Variants in TSGA10 observed in about 807,000 individuals in gnomAD.
The protein encoded by TSGA10 is testis specific 10.
In TSGA10, 43 loss-of-function variants were observed where a neutral mutation model predicts 96.6. The observed-to-expected ratio is 0.44, with a 90% CI of 0.35 to 0.57. The LOEUF (loss-of-function observed/expected upper bound fraction) is 0.57, where lower values mean the gene tolerates loss of function less well. Ranked by LOEUF, TSGA10 falls within the 20% of genes least tolerant of loss-of-function variation. The pLI is 0.01. For missense variants in TSGA10, 703 were observed against 834.4 expected (o/e 0.84, Z 1.94); for synonymous variants, 229 against 269.9 (o/e 0.85, Z 1.48).
intron 16 of TSGA10, among the ~76,000 whole-genome samples, chr2:99,055,860 C>CAA (rs59969222): frequency 1.5e-3 from 135 of 90,792 alleles, no homozygotes; most frequent in African/African-American, 4.5e-3. Context: ...ATCCAATTAA[C>CAA]AAAAAAAAAA....
intron 2 of TSGA10, among the ~76,000 whole-genome samples, chr2:99,124,380 G>T (rs897941936): frequency 2.6e-5 from 4 of 152,098 alleles, no homozygotes; most frequent in African/African-American, 7.2e-5. Flanking sequence ...GCCCTTTTCA[G>T]ATATGTAATT....
In TSGA10 at chr2:99,127,171, G is replaced by A. The variant is rs1405642122; in HGVS notation, c.-615C>T. 7.8e-7 allele frequency: 1 copy of A among 1,283,608 alleles called. No homozygotes were observed. The highest frequency in any genetic ancestry group is 1.0e-6 in the Non-Finnish European group (1 of 987,054). 79.5% of individuals were successfully genotyped at this position (1,283,608 alleles called of 1,614,324 possible). A position where few individuals can be genotyped will look rare whatever the true frequency, so the allele number is the denominator to read the frequency against. Reference sequence around the variant, plus strand: ...CTAGACCAAAATCATATTCTTTGGTGGTAACCTAGTACAAAGAATGGGAAA... The same window carrying A: ...CTAGACCAAAATCATATTCTTTGGTAGTAACCTAGTACAAAGAATGGGAAA... On this transcript the variant is annotated 5_prime_UTR_variant, in exon 2 of 21. Coordinates refer to ENST00000393483, the MANE Select transcript of TSGA10 (RefSeq NM_025244.4).
In TSGA10 at chr2:99,105,417, A is replaced by C. The variant is rs1163003209; in HGVS notation, c.401T>G (p.Phe134Cys). Reference sequence around the variant, plus strand: ...TTGTTCCAGGTGAGCCTTCTCATTAAATGCTGTCTCTTGAGCAATCTGATT... The same window carrying C: ...TTGTTCCAGGTGAGCCTTCTCATTACATGCTGTCTCTTGAGCAATCTGATT... ...ERLKIAQETA[F>C]NEKAHLEQRI... The change falls in exon 9 of 21, where the codon TTT (phenylalanine) becomes TGT (cysteine). Residue 134 changes from phenylalanine (F) to cysteine (C), a missense_variant. Phe to Cys is a radical substitution (Grantham distance 205). This residue lies in a region of TSGA10 where 585 missense variants were observed against 656.8 expected (regional missense o/e 0.89). Coordinates refer to ENST00000393483, the MANE Select transcript of TSGA10 (RefSeq NM_025244.4). The C allele has an allele frequency of 1.2e-6, 2 of 1,613,318 alleles. No individual in the cohort carries two copies. Among genetic ancestry groups the C allele is most frequent in the African/African-American group, 2.7e-5 (2 of 74,870 alleles).
chr2:99,059,305 T>C (rs181689276), intron 16 of TSGA10, among the ~76,000 whole-genome samples: 1 of 151,744 alleles, frequency 6.6e-6, no homozygotes, highest in East Asian at 1.9e-4. Context: ...GAAAAAGCAT[T>C]TGATAAAATT....
chr2:99,014,348 A>C (rs1014212362), intron 20 of TSGA10, among the ~76,000 whole-genome samples: 3 of 152,120 alleles, frequency 2.0e-5, no homozygotes, highest in African/African-American at 7.2e-5. Context: ...AAAATTAATA[A>C]TAATTATCAT....
intron 16 of TSGA10, among the ~76,000 whole-genome samples, chr2:99,045,279 T>C (rs1451446161): frequency 1.3e-5 from 2 of 152,064 alleles, no homozygotes; most frequent in South Asian, 2.1e-4. Flanking sequence ...AGACACATAA[T>C]TGTCAGATTC....
chr2:99,050,305 C>G (rs1298894211), intron 16 of TSGA10, among the ~76,000 whole-genome samples: 1 of 152,138 alleles, frequency 6.6e-6, no homozygotes, highest in African/African-American at 2.4e-5. Flanking sequence ...ATCCAAAATA[C>G]TCCAAAATCC....
intron 7 of TSGA10, 128 bp downstream of exon 7, chr2:99,108,703 CAT>C (rs923166451): frequency 2.2e-4 from 137 of 616,546 alleles, no homozygotes; most frequent in Non-Finnish European, 3.3e-4. Flanking sequence ...ATCTTAAAAA[CAT>C]ATGTAATCCC....
intron 4 of TSGA10, among the ~76,000 whole-genome samples, chr2:99,114,054 TTAAAAA>T (rs1430664843): frequency 6.6e-6 from 1 of 152,186 alleles, no homozygotes; most frequent in African/African-American, 2.4e-5. Context: ...CTGTTGACCT[TTAAAAA>T]TAAGACTAAA....
At chr2:99,078,366 C>T (rs2087007606) in intron 12 of TSGA10, among the ~76,000 whole-genome samples, 1 of 150,910 alleles carries the variant, frequency 6.6e-6, no homozygotes, top group Non-Finnish European at 1.5e-5. Context: ...ATCAGTCTCA[C>T]TACTTTATTG....
chr2:99,054,421 A>G (rs1248535358), intron 16 of TSGA10, among the ~76,000 whole-genome samples: 1 of 152,212 alleles, frequency 6.6e-6, no homozygotes, highest in Non-Finnish European at 1.5e-5. Flanking sequence ...GCTAGAAGAA[A>G]ATGGAGAGGA....
chr2:99,139,060 G>C (rs1250073008), intron 1 of TSGA10, among the ~76,000 whole-genome samples: 1 of 152,190 alleles, frequency 6.6e-6, no homozygotes, highest in Non-Finnish European at 1.5e-5. Context: ...AGGAATTTGA[G>C]ACCAGCCTGG....
At chr2:99,094,702 T>C (rs1265506468) in intron 10 of TSGA10, among the ~76,000 whole-genome samples, 1 of 152,220 alleles carries the variant, frequency 6.6e-6, no homozygotes, top group Non-Finnish European at 1.5e-5. Context: ...CAAAATGTGA[T>C]ACCACCTTAC....
chr2:99,136,022 G>T (rs13034379), intron 1 of TSGA10, among the ~76,000 whole-genome samples: 5 of 137,618 alleles, frequency 3.6e-5, no homozygotes, highest in African/African-American at 1.1e-4. Context: ...AAAAAAAAAA[G>T]GGTCTGCATC....
At chr2:99,138,265 A>C (rs879466579) in intron 1 of TSGA10, among the ~76,000 whole-genome samples, 1 of 152,178 alleles carries the variant, frequency 6.6e-6, no homozygotes, top group Non-Finnish European at 1.5e-5. Context: ...GTCTTCCCTG[A>C]CTTCTTACCT....
At chr2:99,152,007 G>A (rs2093699119) in intron 1 of TSGA10, among the ~76,000 whole-genome samples, 1 of 152,050 alleles carries the variant, frequency 6.6e-6, no homozygotes, top group African/African-American at 2.4e-5. Flanking sequence ...TTGTTGAATG[G>A]GACATAAGCC....
At chr2:99,139,187 C>T (rs913499664) in intron 1 of TSGA10, among the ~76,000 whole-genome samples, 4 of 151,936 alleles carry the variant, frequency 2.6e-5, no homozygotes, top group East Asian at 1.9e-4. Context: ...CACTTGAGCC[C>T]GGGAGGTCAA....
chr2:99,152,603 G>T (rs1340334664), intron 1 of TSGA10, among the ~76,000 whole-genome samples: 2 of 152,126 alleles, frequency 1.3e-5, no homozygotes, highest in Non-Finnish European at 2.9e-5. Flanking sequence ...AAAGCAAGTT[G>T]ATTAAGAAAG....
intron 17 of TSGA10, 99 bp downstream of exon 17, chr2:99,035,131 G>A: frequency 2.5e-6 from 2 of 814,694 alleles, no homozygotes; most frequent in Non-Finnish European, 3.8e-6. Flanking sequence ...CAAAGACATG[G>A]ATTCATGTAA....
Sources: allele counts gnomAD v4.1 joint callset (sites outside exome capture counted in the v4.1 genomes callset), GRCh38; gene constraint gnomAD v4.1.1; regional missense constraint gnomAD v4.1.1; transcripts MANE v1.5; gene names NCBI Gene and HGNC (gene_info 2026-07-23, HGNC 2026-07-21).